Variants in LRRC4C observed in about 807,000 individuals in gnomAD.
The protein encoded by LRRC4C is leucine rich repeat containing 4C.
Under a neutral mutation model 33.6 loss-of-function variants are expected in LRRC4C, and 5 were observed. The ratio of observed to expected loss-of-function variants is 0.15; its 90% CI spans 0.08 to 0.31. LRRC4C has a LOEUF of 0.31. Among genes scored for constraint, LRRC4C ranks in the 10% least tolerant of loss-of-function variants. LRRC4C has a pLI of 1.00. For synonymous variants in LRRC4C, 329 were observed against 302.0 expected (o/e 1.09, Z -0.93); for missense variants, 560 against 796.7 (o/e 0.70, Z 3.58).
intron 1 of LRRC4C, among the ~76,000 whole-genome samples, chr11:41,448,517 GC>G (rs1291723371): frequency 6.6e-6 from 1 of 151,926 alleles, no homozygotes; most frequent in East Asian, 1.9e-4. Context: ...TGTTTGCCAA[GC>G]TGGTCTCTAA....
intron 3 of LRRC4C, among the ~76,000 whole-genome samples, chr11:40,550,823 C>A (rs1487199819): frequency 6.6e-6 from 1 of 151,778 alleles, no homozygotes; most frequent in African/African-American, 2.4e-5. Context: ...AAAAAAATAC[C>A]TAAGAGAAGC....
intron 2 of LRRC4C, among the ~76,000 whole-genome samples, chr11:40,697,165 A>C (rs1445195903): frequency 3.3e-5 from 5 of 152,096 alleles, no homozygotes; most frequent in African/African-American, 4.8e-5. Context: ...GCATATATAC[A>C]TTTTTGTTCA....
chr11:41,216,534 T>A (rs1947071752), intron 1 of LRRC4C, among the ~76,000 whole-genome samples: 1 of 151,886 alleles, frequency 6.6e-6, no homozygotes, highest in African/African-American at 2.4e-5. Context: ...CAGCCCAGTG[T>A]GTGAAAATCC....
intron 2 of LRRC4C, among the ~76,000 whole-genome samples, chr11:40,733,066 T>G (rs1012843938): frequency 3.9e-4 from 29 of 74,018 alleles, no homozygotes; most frequent in Admixed American, 1.4e-3. Context: ...ATATAGTTTT[T>G]TTTTTTTTTT....
chr11:41,103,557 C>G (rs563641024), intron 1 of LRRC4C, among the ~76,000 whole-genome samples: 1 of 151,146 alleles, frequency 6.6e-6, no homozygotes, highest in Admixed American at 6.6e-5. Context: ...GAAATGAGTA[C>G]GACAGACTTT....
At chr11:40,530,839 T>C (rs1001836943) in intron 3 of LRRC4C, among the ~76,000 whole-genome samples, 26 of 152,222 alleles carry the variant, frequency 1.7e-4, no homozygotes, top group African/African-American at 5.8e-4. Flanking sequence ...AGTTTCATTA[T>C]GGGGGTAAAT....
In LRRC4C at chr11:41,357,261, A is replaced by C. The variant is rs201100090; in HGVS notation, c.-496+102170T>G. Reference sequence around the variant, plus strand: ...TTAATGCTCTTAATCTAAATTAGGAATGAAAATAATACTTGTCTAATGGTT... The same window carrying C: ...TTAATGCTCTTAATCTAAATTAGGACTGAAAATAATACTTGTCTAATGGTT... On this transcript the variant is annotated intron_variant, in intron 1 of 6. Transcript: ENST00000528697. 7.9e-5 allele frequency among the ~76,000 whole-genome samples: 12 copies of C among 152,292 alleles called. No individual in the cohort carries two copies. In the East Asian group the frequency reaches 2.3e-3, roughly 29 times the overall value.
chr11:40,784,379 C>T (rs1276077515), intron 2 of LRRC4C, among the ~76,000 whole-genome samples: 1 of 152,162 alleles, frequency 6.6e-6, no homozygotes, highest in Non-Finnish European at 1.5e-5. Flanking sequence ...TCCTACCTCT[C>T]TCGTCAGATT....
chr11:40,810,337 T>C (rs1369507210), intron 2 of LRRC4C, among the ~76,000 whole-genome samples: 5 of 152,194 alleles, frequency 3.3e-5, no homozygotes, highest in Non-Finnish European at 4.4e-5. Context: ...GTTGCCTTGG[T>C]TATCTCCTTC....
chr11:40,607,919 G>A (rs1960793408), intron 3 of LRRC4C, among the ~76,000 whole-genome samples: 1 of 152,022 alleles, frequency 6.6e-6, no homozygotes, highest in Non-Finnish European at 1.5e-5. Flanking sequence ...CTGCCTACAT[G>A]CTCCCTCTAG....
chr11:40,845,342 T>C (rs986037011), intron 2 of LRRC4C, among the ~76,000 whole-genome samples: 3 of 152,048 alleles, frequency 2.0e-5, no homozygotes, highest in Non-Finnish European at 4.4e-5. Flanking sequence ...TGTGTGATGC[T>C]CCCCTCCCAG....
intron 4 of LRRC4C, among the ~76,000 whole-genome samples, chr11:40,279,365 C>A (rs1280915257): frequency 6.6e-6 from 1 of 152,110 alleles, no homozygotes; most frequent in South Asian, 2.1e-4. Context: ...CAAACTACAG[C>A]GCTATACAGA....
chr11:41,458,544 TG>T (rs914412217), intron 1 of LRRC4C, among the ~76,000 whole-genome samples: 3 of 66,016 alleles, frequency 4.5e-5, no homozygotes, highest in African/African-American at 1.2e-4. Flanking sequence ...AAAAGCGTGG[TG>T]GGGGGGAGGG....
chr11:40,692,289 G>A (rs1042008272), intron 2 of LRRC4C, among the ~76,000 whole-genome samples: 2 of 151,908 alleles, frequency 1.3e-5, no homozygotes, highest in Non-Finnish European at 2.9e-5. Context: ...ATCCAAGCAG[G>A]GGTGAGGTGG....
rs549454674 is a variant in LRRC4C, at chr11:41,041,058, G to A, written c.-495-107335C>T. Among the ~76,000 whole-genome samples, 16 of 152,242 alleles carry A rather than the reference G, an allele frequency of 1.1e-4. No individual in the cohort carries two copies. The South Asian group carries it at 3.3e-3, about 32-fold the overall frequency. On this transcript the variant is annotated intron_variant, in intron 1 of 6. Transcript: ENST00000528697. ...AGGAATTTGTTTTAGAATTCAAGAG[G>A]TCACCTGCAAAAGGATAATTTTAAC... is the stretch of plus-strand genomic sequence containing the variant.
At chr11:40,583,855 AG>A (rs1189988717) in intron 3 of LRRC4C, among the ~76,000 whole-genome samples, 1 of 151,840 alleles carries the variant, frequency 6.6e-6, no homozygotes, top group African/African-American at 2.4e-5. Context: ...ATATGCAAGC[AG>A]GACGCATAAA....
chr11:41,256,603 A>C (rs1948809209), intron 1 of LRRC4C, among the ~76,000 whole-genome samples: 1 of 152,034 alleles, frequency 6.6e-6, no homozygotes, highest in Non-Finnish European at 1.5e-5. Context: ...ATCTATCCAC[A>C]CAGATCAACT....
chr11:41,169,131 G>T (rs1256551244), intron 1 of LRRC4C, among the ~76,000 whole-genome samples: 1 of 152,102 alleles, frequency 6.6e-6, no homozygotes, highest in African/African-American at 2.4e-5. Context: ...CCTCAAAAGG[G>T]TTTCAAGGTC....
intron 2 of LRRC4C, among the ~76,000 whole-genome samples, chr11:40,746,593 A>T (rs1317122634): frequency 6.6e-6 from 1 of 152,138 alleles, no homozygotes; most frequent in Non-Finnish European, 1.5e-5. Flanking sequence ...CTTGAAGATC[A>T]CCACACCCTT....
Sources: allele counts gnomAD v4.1 joint callset (sites outside exome capture counted in the v4.1 genomes callset), GRCh38; gene constraint gnomAD v4.1.1; transcripts MANE v1.5; gene names NCBI Gene and HGNC (gene_info 2026-07-23, HGNC 2026-07-21).